VPS50: variants seen among roughly 807,000 people sequenced by gnomAD.
VPS50 encodes VPS50 subunit of EARP/GARPII complex.
In VPS50, 70 loss-of-function variants were observed where a neutral mutation model predicts 139.7. The ratio of observed to expected loss-of-function variants is 0.50; its 90% CI spans 0.41 to 0.61. The LOEUF (loss-of-function observed/expected upper bound fraction) is 0.61, where lower values mean the gene tolerates loss of function less well. Among genes scored for constraint, VPS50 ranks in the 20% least tolerant of loss-of-function variants. The probability of loss-of-function intolerance (pLI) is 0.00; values close to 1 mark genes in which losing one functional copy is unlikely to be tolerated. For missense variants in VPS50, 921 were observed against 1,133.7 expected, an observed-to-expected ratio of 0.81 and a Z score of 2.69; for synonymous variants, 365 against 376.7, an observed-to-expected ratio of 0.97 and a Z score of 0.36.
intron 12 of VPS50, among the ~76,000 whole-genome samples, chr7:93,284,794 G>A (rs1314033052): frequency 6.6e-6 from 1 of 152,200 alleles, no homozygotes; most frequent in African/African-American, 2.4e-5. Flanking sequence ...GATCAAGTAA[G>A]TGACAAAGTT....
chr7:93,353,564 A>T, intron 25 of VPS50, 76 bp from the exon 26 acceptor site: 1 of 1,482,038 alleles, frequency 6.7e-7, no homozygotes, highest in Non-Finnish European at 9.1e-7. Context: ...AATCTTTTTT[A>T]TTTAAACAAT....
At chr7:93,272,521 GTAAATGTATT>G in intron 10 of VPS50, 104 bp from the exon 11 acceptor site, 1 of 472,404 alleles carries the variant, frequency 2.1e-6, no homozygotes, top group Non-Finnish European at 3.8e-6. Flanking sequence ...TGGTATGATA[GTAAATGTATT>G]TAAATGTTAA....
At chr7:93,356,664 T>C (rs373047027) in intron 27 of VPS50, among the ~76,000 whole-genome samples, 1 of 152,176 alleles carries the variant, frequency 6.6e-6, no homozygotes, top group South Asian at 2.1e-4. Flanking sequence ...ATACTATTGT[T>C]ACGTAGGATG....
chr7:93,327,787 A>G (rs1253286153), intron 21 of VPS50, among the ~76,000 whole-genome samples: 3 of 152,120 alleles, frequency 2.0e-5, no homozygotes, highest in Non-Finnish European at 4.4e-5. Flanking sequence ...AAATACTCCA[A>G]ATTTACCCCA....
At chr7:93,294,506 G>A in intron 13 of VPS50, 39 bp from the exon 14 acceptor site, 2 of 1,459,498 alleles carry the variant, frequency 1.4e-6, no homozygotes, top group South Asian at 1.4e-5. Flanking sequence ...AACACAAATT[G>A]GATTAAATCT....
Position 93,356,814 on chromosome 7 carries a change from G to T in VPS50, c.2775+734G>T, listed in dbSNP as rs376012285. On this transcript the variant is annotated intron_variant, in intron 27 of 27. Transcript: ENST00000305866. Reference sequence around the variant, plus strand: ...ATTTTCTTAACCTATGAATGTCATGGGTAAAAGCTAAGTCAAGTTTTATTT... The same window carrying T: ...ATTTTCTTAACCTATGAATGTCATGTGTAAAAGCTAAGTCAAGTTTTATTT... Among the ~76,000 whole-genome samples the T allele has an allele frequency of 5.3e-5, 8 of 152,130 alleles. No individual in the cohort carries two copies. In the East Asian group the frequency reaches 9.7e-4, roughly 18 times the overall value.
intron 1 of VPS50, among the ~76,000 whole-genome samples, chr7:93,233,601 G>C (rs547372979): frequency 1.3e-5 from 2 of 152,256 alleles, no homozygotes; most frequent in Admixed American, 6.5e-5. Flanking sequence ...TTAATGTTAT[G>C]AAAATATAAT....
intron 21 of VPS50, 76 bp from the exon 22 acceptor site, chr7:93,334,041 T>C (rs1347535957): frequency 5.9e-6 from 5 of 849,328 alleles, no homozygotes; most frequent in African/African-American, 5.1e-5. Flanking sequence ...ACTCATCAAA[T>C]ATCTTGGTTA....
At chr7:93,356,642 A>G (rs1486247439) in intron 27 of VPS50, among the ~76,000 whole-genome samples, 4 of 152,160 alleles carry the variant, frequency 2.6e-5, no homozygotes, top group Non-Finnish European at 5.9e-5. Flanking sequence ...ATGACTATAT[A>G]GATAACGAAA....
At chr7:93,265,213 G>C (rs189689343) in intron 9 of VPS50, among the ~76,000 whole-genome samples, 224 of 151,942 alleles carry the variant, frequency 1.5e-3, no homozygotes, top group East Asian at 9.7e-3. Flanking sequence ...TCTCTTTCCT[G>C]TTTTAACTTT....
At chr7:93,289,623 T>C (rs1325188503) in intron 12 of VPS50, among the ~76,000 whole-genome samples, 1 of 152,134 alleles carries the variant, frequency 6.6e-6, no homozygotes, top group Non-Finnish European at 1.5e-5. Context: ...TGATTCATGT[T>C]TTCTTCTAGT....
At chr7:93,256,657 A>G in intron 5 of VPS50, 95 bp downstream of exon 5, 1 of 668,098 alleles carries the variant, frequency 1.5e-6, no homozygotes, top group South Asian at 1.9e-5. Flanking sequence ...TTTGTCAATA[A>G]TTCTGTAGCA....
At chr7:93,287,199 G>C (rs1360826062) in intron 12 of VPS50, among the ~76,000 whole-genome samples, 1 of 151,834 alleles carries the variant, frequency 6.6e-6, no homozygotes, top group Non-Finnish European at 1.5e-5. Flanking sequence ...TAATAAATTT[G>C]GGTCCTTTTG....
chr7:93,241,345 G>A (rs1794983398), intron 2 of VPS50, among the ~76,000 whole-genome samples: 1 of 152,068 alleles, frequency 6.6e-6, no homozygotes, highest in African/African-American at 2.4e-5. Context: ...TAGGATAACT[G>A]GCCTTGGGTG....
rs1032061344 is a variant in VPS50 at position 93,359,542 on chromosome 7, C to T, written c.*1106C>T. ...TCCATTTTCCATGTACTCTTGCCAACTGTCTGATAAGGAATTTTGTGTGTG... is the reference window on the plus strand; with the variant it reads ...TCCATTTTCCATGTACTCTTGCCAATTGTCTGATAAGGAATTTTGTGTGTG... On this transcript the variant is annotated 3_prime_UTR_variant, in exon 28 of 28. Coordinates refer to ENST00000305866, the MANE Select transcript of VPS50 (RefSeq NM_017667.4). The T allele has an allele frequency of 6.6e-6, 1 of 152,158 alleles. No homozygotes were observed. The highest frequency in any genetic ancestry group is 2.4e-5 in the African/African-American group (1 of 41,454). The allele number at this position is 152,158 out of a possible 1,614,324, so 9.4% of individuals were successfully genotyped here. A position where few individuals can be genotyped will look rare whatever the true frequency, so the allele number is the denominator to read the frequency against.
chr7:93,288,081 G>C (rs1796543827), intron 12 of VPS50, among the ~76,000 whole-genome samples: 1 of 151,976 alleles, frequency 6.6e-6, no homozygotes, highest in Non-Finnish European at 1.5e-5. Flanking sequence ...CTGGCAAGAG[G>C]GCTTGTGCAG....
chr7:93,287,009 T>TAAAAA lies in VPS50; in HGVS notation c.943-4688_943-4684dup, dbSNP rs1304107799. Among the ~76,000 whole-genome samples, 298 of 140,250 alleles carry TAAAAA rather than the reference T, an allele frequency of 2.1e-3. 2 individuals are homozygous for TAAAAA. Among genetic ancestry groups the TAAAAA allele is most frequent in the African/African-American group, 7.7e-3 (280 of 36,422 alleles). The allele number at this position is 140,250 out of a possible 152,430, so 92.0% of individuals were successfully genotyped here. On this transcript the variant is annotated intron_variant, in intron 12 of 27. Transcript: ENST00000305866. ...GAAAACGTTGTTTTTTTTTTTTTTT[T>TAAAAA]AAAAAAAAAACTACCCCACCTTGCC...
chr7:93,355,540 G>GT (rs1798682571), intron 26 of VPS50, among the ~76,000 whole-genome samples: 1 of 152,110 alleles, frequency 6.6e-6, no homozygotes, highest in African/African-American at 2.4e-5. Flanking sequence ...TCAAAGCTTA[G>GT]TTTTTATAAA....
At chr7:93,296,946 TTGC>T (rs1796828858) in intron 15 of VPS50, 110 bp downstream of exon 15, 1 of 1,436,730 alleles carries the variant, frequency 7.0e-7, no homozygotes, top group Non-Finnish European at 9.1e-7. Flanking sequence ...AAGATAATTT[TTGC>T]TGCTAAGTTT....
Sources: allele counts gnomAD v4.1 joint callset (sites outside exome capture counted in the v4.1 genomes callset), GRCh38; gene constraint gnomAD v4.1.1; transcripts MANE v1.5; gene names NCBI Gene and HGNC (gene_info 2026-07-23, HGNC 2026-07-21).